Variants in DOP1A observed in about 807,000 individuals in gnomAD.
The protein encoded by DOP1A is DOP1 leucine zipper like protein A, also known as protein DOP1A.
A neutral mutation model predicts 267.6 loss-of-function variants in DOP1A; 90 were observed. The observed-to-expected ratio is 0.34, with a 90% CI of 0.28 to 0.40. The LOEUF is 0.40. Among genes scored for constraint, DOP1A ranks in the 10% least tolerant of loss-of-function variants. The pLI is 1.00. For synonymous variants in DOP1A, 932 were observed against 999.1 expected, an observed-to-expected ratio of 0.93 and a Z score of 1.27; for missense variants, 2,437 against 2,900.4, an observed-to-expected ratio of 0.84 and a Z score of 3.67.
chr6:83,168,562 T>C, downstream of DOP1A: 2 of 999,182 alleles, frequency 2.0e-6, no homozygotes, highest in Non-Finnish European at 2.4e-6. Flanking sequence ...TGGTGTTCCT[T>C]CTCCATCAGA....
intron 4 of DOP1A, among the ~76,000 whole-genome samples, chr6:83,101,782 T>C (rs776968797): frequency 2.6e-5 from 4 of 152,238 alleles, no homozygotes; most frequent in Admixed American, 6.5e-5. Context: ...ATACACAACA[T>C]GATGTGAGAT....
chr6:83,120,822 AT>A, intron 10 of DOP1A, 31 bp downstream of exon 10: 1 of 1,396,086 alleles, frequency 7.2e-7, no homozygotes. Context: ...GCATAAGGTC[AT>A]GTGTGGTACT....
rs1771587690 is a variant in DOP1A, at chr6:83,096,760, G to T, written c.-117G>T. On this transcript the variant is annotated 5_prime_UTR_variant, in exon 2 of 39. Transcript: ENST00000349129. The stretch of plus-strand genomic sequence containing the variant: ...GAACACACAAGTAGTTATCTTTCAG[G>T]CTGTCTTTGAATACTTCCATGACCC... 1 of 428,264 alleles carries T rather than the reference G, an allele frequency of 2.3e-6. No individual in the cohort carries two copies. Among genetic ancestry groups the T allele is most frequent in the East Asian group, 3.4e-5 (1 of 29,722 alleles). The allele number at this position is 428,264 out of a possible 1,614,324, so 26.5% of individuals were successfully genotyped here. A position where few individuals can be genotyped will look rare whatever the true frequency, so the allele number is the denominator to read the frequency against.
intron 7 of DOP1A, among the ~76,000 whole-genome samples, chr6:83,117,022 A>G (rs1285883299): frequency 6.6e-6 from 1 of 152,192 alleles, no homozygotes; most frequent in East Asian, 1.9e-4. Context: ...GCATTCTTTG[A>G]GAAAGCTGGT....
At chr6:83,153,384 G>C (rs183119773) in intron 30 of DOP1A, 127 bp from the exon 31 acceptor site, 155 of 533,250 alleles carry the variant, frequency 2.9e-4, no homozygotes, top group African/African-American at 2.3e-3. Context: ...AAATGATTCA[G>C]GAAGATTTAA....
At position 83,123,002 on chromosome 6, in the gene DOP1A, C is replaced by T; in HGVS notation, c.1340+20C>T. On this transcript the variant is annotated intron_variant, in intron 12 of 38. Coordinates refer to ENST00000349129, the MANE Select transcript of DOP1A (RefSeq NM_015018.4). Reference sequence around the variant, plus strand: ...TTGTAGGTATGTTAAACTTTCATTCCTTTTAATTTCGTAACATCTAAAGCT... The same window carrying T: ...TTGTAGGTATGTTAAACTTTCATTCTTTTTAATTTCGTAACATCTAAAGCT... 6.4e-7 allele frequency: 1 copy of T among 1,569,824 alleles called. No individual in the cohort carries two copies.
At chr6:83,158,423 C>T (rs934654054) in intron 35 of DOP1A, 144 bp from the exon 36 acceptor site, 6 of 695,168 alleles carry the variant, frequency 8.6e-6, no homozygotes, top group African/African-American at 1.8e-5. Flanking sequence ...TGCAGTTTTA[C>T]CTTCAGAAAC....
At chr6:83,068,058 C>T (rs1784979422) in intron 1 of DOP1A, among the ~76,000 whole-genome samples, 1 of 152,070 alleles carries the variant, frequency 6.6e-6, no homozygotes, top group Non-Finnish European at 1.5e-5. Context: ...TGAGGGAGGC[C>T]GGAGGCGGGG....
chr6:83,151,716 ATG>A, intron 28 of DOP1A, 57 bp downstream of exon 28: 14 of 1,522,030 alleles, frequency 9.2e-6, no homozygotes, highest in Non-Finnish European at 1.2e-5. Flanking sequence ...CAATTTGAAA[ATG>A]AGAGAGTCAA....
At chr6:83,116,887 T>G (rs1220709202) in intron 7 of DOP1A, among the ~76,000 whole-genome samples, 1 of 152,146 alleles carries the variant, frequency 6.6e-6, no homozygotes, top group Non-Finnish European at 1.5e-5. Flanking sequence ...GAAGCCCAAC[T>G]TTTATTATTT....
chr6:83,097,188 G>A (rs758339017), intron 3 of DOP1A, 73 bp downstream of exon 3: 16 of 1,497,974 alleles, frequency 1.1e-5, no homozygotes, highest in South Asian at 2.6e-5. Context: ...TAGATTTCTC[G>A]AAATCTTGAA....
intron 4 of DOP1A, among the ~76,000 whole-genome samples, chr6:83,105,356 CTTTTTTTTTTTTTTT>C (rs70987733): frequency 1.2e-4 from 8 of 65,892 alleles, no homozygotes; most frequent in African/African-American, 3.3e-4. Context: ...GGATGTCTTT[CTTTTTTTTTTTTTTT>C]TTTTTTTTTT....
intron 7 of DOP1A, among the ~76,000 whole-genome samples, chr6:83,115,894 A>G (rs1775359529): frequency 6.6e-6 from 1 of 152,190 alleles, no homozygotes; most frequent in Admixed American, 6.5e-5. Context: ...ATGGGGAGAC[A>G]TTTGTACTTT....
intron 34 of DOP1A, among the ~76,000 whole-genome samples, chr6:83,156,787 C>T (rs1339738833): frequency 3.9e-5 from 6 of 152,194 alleles, no homozygotes; most frequent in African/African-American, 9.7e-5. Context: ...TAACCTTTTA[C>T]GCCTAATTTC....
chr6:83,122,095 A>G, intron 11 of DOP1A, 45 bp downstream of exon 11: 2 of 1,588,448 alleles, frequency 1.3e-6, no homozygotes, highest in Non-Finnish European at 1.7e-6. Context: ...CATAATATGT[A>G]TTCACTTAAT....
intron 32 of DOP1A, 28 bp from the exon 33 acceptor site, chr6:83,154,152 T>G (rs1187692335): frequency 1.2e-6 from 2 of 1,608,716 alleles, no homozygotes; most frequent in Non-Finnish European, 1.7e-6. Flanking sequence ...ACAACATAAT[T>G]ACATGTTGTA....
intron 1 of DOP1A, among the ~76,000 whole-genome samples, chr6:83,088,370 G>A (rs1300399669): frequency 1.3e-5 from 2 of 150,846 alleles, no homozygotes; most frequent in African/African-American, 2.4e-5. Flanking sequence ...GGTTTATAAT[G>A]AGTGACAATA....
intron 38 of DOP1A, 34 bp from the exon 39 acceptor site, chr6:83,167,828 G>T (rs767728867): frequency 3.2e-6 from 5 of 1,572,396 alleles, no homozygotes; most frequent in East Asian, 2.3e-5. Flanking sequence ...ATTGTCTGTT[G>T]TATTAATACC....
rs141906545 is a variant in DOP1A at position 83,069,204 on chromosome 6, C to T, written c.-147+1425C>T. 2.6e-4 allele frequency among the ~76,000 whole-genome samples: 40 copies of T among 152,250 alleles called. No individual in the cohort carries two copies. In the East Asian group the frequency reaches 6.9e-3, roughly 26 times the overall value. ...CATTGTTTAAGGAAATTTGAAAAGA[C>T]CAGGGTTTTCCAAACTGATGTTTCC... On this transcript the variant is annotated intron_variant, in intron 1 of 38. Coordinates refer to ENST00000349129, the MANE Select transcript of DOP1A (RefSeq NM_015018.4).
Sources: gnomAD v4.1 joint callset for allele counts (sites outside exome capture counted in the v4.1 genomes callset) on GRCh38, gnomAD v4.1.1 for gene constraint, MANE v1.5 for transcripts, NCBI Gene and HGNC (gene_info 2026-07-23, HGNC 2026-07-21) for gene names.